Variants in AOPEP observed in about 807,000 individuals in gnomAD.
The protein encoded by AOPEP is aminopeptidase O (putative), also known as aminopeptidase O.
Under a neutral mutation model 98.1 loss-of-function variants are expected in AOPEP, and 77 were observed. The observed-to-expected ratio is 0.78, with a 90% CI of 0.65 to 0.95. The LOEUF is 0.95. Ranked by LOEUF, AOPEP falls within the 40% of genes least tolerant of loss-of-function variation. The pLI is 0.00. For missense variants in AOPEP, 1,024 were observed against 1,024.7 expected, an observed-to-expected ratio of 1.00 and a Z score of 0.01; for synonymous variants, 346 against 365.3, an observed-to-expected ratio of 0.95 and a Z score of 0.60.
intron 5 of AOPEP, among the ~76,000 whole-genome samples, chr9:94,806,773 A>G (rs976728625): frequency 6.6e-6 from 1 of 152,212 alleles, no homozygotes; most frequent in African/African-American, 2.4e-5. Flanking sequence ...GCCCTTGGCC[A>G]GGATTATTTT....
At chr9:95,010,945 G>T (rs2062455324) in intron 13 of AOPEP, among the ~76,000 whole-genome samples, 1 of 152,124 alleles carries the variant, frequency 6.6e-6, no homozygotes, top group African/African-American at 2.4e-5. Context: ...GAGATTCTTG[G>T]TCCTATTTGT....
At chr9:94,953,236 G>T (rs1229016858) in intron 7 of AOPEP, among the ~76,000 whole-genome samples, 1 of 152,200 alleles carries the variant, frequency 6.6e-6, no homozygotes, top group Non-Finnish European at 1.5e-5. Flanking sequence ...AGTGAAAAAA[G>T]CTGATTCTTT....
chr9:95,105,544 G>A, the AOPEP span, among the ~76,000 whole-genome samples: 7 of 152,302 alleles, frequency 4.6e-5, no homozygotes, highest in African/African-American at 1.7e-4. Context: ...AAAATGTGCT[G>A]TTTTACCCAT....
chr9:94,799,376 GAGACCCCATCTCC>G (rs1407158078), intron 4 of AOPEP, among the ~76,000 whole-genome samples: 5 of 151,072 alleles, frequency 3.3e-5, no homozygotes, highest in Non-Finnish European at 5.9e-5. Context: ...GTTACAAAGT[GAGACCCCATCTCC>G]AGACCCCATC....
intron 5 of AOPEP, among the ~76,000 whole-genome samples, chr9:94,914,687 T>C (rs2052556159): frequency 6.6e-6 from 1 of 151,752 alleles, no homozygotes; most frequent in South Asian, 2.1e-4. Context: ...TTATAAACTT[T>C]GGCAATGAGT....
intron 14 of AOPEP, among the ~76,000 whole-genome samples, chr9:95,068,596 C>T (rs2068151775): frequency 6.6e-6 from 1 of 152,156 alleles, no homozygotes; most frequent in Admixed American, 6.6e-5. Context: ...CAAAAATATA[C>T]TCTTATATGA....
At chr9:95,047,319 T>G (rs1374382351) in intron 13 of AOPEP, among the ~76,000 whole-genome samples, 1 of 152,246 alleles carries the variant, frequency 6.6e-6, no homozygotes, top group Non-Finnish European at 1.5e-5. Context: ...CCTGATTTTT[T>G]TTAACCTTTC....
chr9:95,078,443 CA>C (rs2069327454), intron 14 of AOPEP, among the ~76,000 whole-genome samples: 1 of 152,302 alleles, frequency 6.6e-6, no homozygotes, highest in East Asian at 1.9e-4. Flanking sequence ...CAGTCATTGC[CA>C]AAAGTGTGGT....
intron 13 of AOPEP, among the ~76,000 whole-genome samples, chr9:95,028,400 A>G (rs955923061): frequency 3.9e-5 from 6 of 152,234 alleles, no homozygotes; most frequent in African/African-American, 1.4e-4. Context: ...TGCACAGTGC[A>G]TTCCAGCAGA....
chr9:94,925,585 C>T lies in AOPEP; in HGVS notation c.1554+1410C>T, dbSNP rs147511384. On this transcript the variant is annotated intron_variant, in intron 6 of 16. Coordinates refer to ENST00000375315, the MANE Select transcript of AOPEP (RefSeq NM_001193329.3). ...ACTTATTTTATTTTTTCTTTTCCTTCTACTGTGTCATTTCCTTATCCTCAC... is the reference window on the plus strand; with the variant it reads ...ACTTATTTTATTTTTTCTTTTCCTTTTACTGTGTCATTTCCTTATCCTCAC... 2.0e-5 allele frequency among the ~76,000 whole-genome samples: 3 copies of T among 152,058 alleles called. No individual in the cohort carries two copies. In the East Asian group the frequency reaches 5.8e-4, roughly 29 times the overall value.
At chr9:94,965,855 CA>C (rs2059159376) in intron 9 of AOPEP, among the ~76,000 whole-genome samples, 1 of 151,350 alleles carries the variant, frequency 6.6e-6, no homozygotes, top group Admixed American at 6.6e-5. Context: ...CGCTGGGTGT[CA>C]TCAGAGTCCT....
intron 6 of AOPEP, among the ~76,000 whole-genome samples, chr9:94,927,272 C>G (rs1387086886): frequency 6.6e-6 from 1 of 152,206 alleles, no homozygotes; most frequent in Non-Finnish European, 1.5e-5. Flanking sequence ...TAATGACCTC[C>G]TTGAAAGCCT....
At chr9:95,016,646 T>C (rs2063024178) in intron 13 of AOPEP, among the ~76,000 whole-genome samples, 1 of 152,042 alleles carries the variant, frequency 6.6e-6, no homozygotes, top group East Asian at 1.9e-4. Context: ...GGGGTCTCAT[T>C]CTGTCACCCA....
At chr9:94,934,567 T>C (rs1025630000) in intron 7 of AOPEP, 1 of 152,290 alleles carries the variant, frequency 6.6e-6, no homozygotes, top group Admixed American at 6.5e-5. Flanking sequence ...CCCACAGCTC[T>C]TAAGAACTTC....
chr9:95,073,611 C>A (rs768386200), intron 14 of AOPEP, among the ~76,000 whole-genome samples: 2 of 152,144 alleles, frequency 1.3e-5, no homozygotes, highest in Non-Finnish European at 2.9e-5. Flanking sequence ...AATGCCACCA[C>A]TTTGGGAGGC....
chr9:94,967,869 G>A, intron 10 of AOPEP, 68 bp downstream of exon 10: 5 of 1,320,016 alleles, frequency 3.8e-6, no homozygotes, highest in Non-Finnish European at 5.5e-6. Context: ...CATTGCCATT[G>A]GTTGGCTTGT....
At chr9:94,878,555 G>A (rs762607222) in intron 5 of AOPEP, among the ~76,000 whole-genome samples, 4 of 152,030 alleles carry the variant, frequency 2.6e-5, no homozygotes, top group Non-Finnish European at 4.4e-5. Context: ...TTGGCATAAT[G>A]CATTAAAACC....
chr9:95,134,200 G>C, the AOPEP span, among the ~76,000 whole-genome samples: 1 of 152,180 alleles, frequency 6.6e-6, no homozygotes, highest in African/African-American at 2.4e-5. Context: ...GGGGAGAAAC[G>C]GGATCGCGGA....
the AOPEP span, among the ~76,000 whole-genome samples, chr9:95,141,222 G>C: frequency 7.4e-6 from 1 of 135,618 alleles, no homozygotes; most frequent in East Asian, 2.3e-4. Context: ...TGAGGTCAAA[G>C]AATCACCTGA....
Sources: allele counts gnomAD v4.1 joint callset (sites outside exome capture counted in the v4.1 genomes callset), GRCh38; gene constraint gnomAD v4.1.1; transcripts MANE v1.5; gene names NCBI Gene and HGNC (gene_info 2026-07-23, HGNC 2026-07-21).